Variants in SOX5 observed in about 807,000 individuals in gnomAD.
The protein encoded by SOX5 is transcription factor SOX-5.
SOX5 carries 9 observed loss-of-function variants against 92.0 expected under a neutral mutation model. That is an observed-to-expected ratio of 0.10 (90% CI 0.06 to 0.17). The LOEUF (loss-of-function observed/expected upper bound fraction) is 0.17, where lower values mean the gene tolerates loss of function less well. SOX5 is among the 10% of genes least tolerant of loss of function. SOX5 has a pLI of 1.00. For synonymous variants in SOX5, 344 were observed against 336.3 expected (o/e 1.02, Z -0.25); for missense variants, 642 against 944.5 (o/e 0.68, Z 4.20).
In SOX5 at chr12:24,424,810, G is replaced by C. The variant is rs115568465; in HGVS notation, c.-250-56171C>G. 9.3e-4 allele frequency among the ~76,000 whole-genome samples: 138 copies of C among 148,902 alleles called. 6 individuals carry two copies. Among genetic ancestry groups the C allele is most frequent in the African/African-American group, 2.8e-4 (11 of 39,560 alleles). On this transcript the variant is annotated intron_variant, in intron 1 of 4. Coordinates refer to the SOX5 transcript ENST00000446891. ...CTTTTCTTTGTGAGTTTTTTTTTTGGGGGGGGGGGATGGCTGTTTTTCCCC... is the reference window on the plus strand; with the variant it reads ...CTTTTCTTTGTGAGTTTTTTTTTTGCGGGGGGGGGATGGCTGTTTTTCCCC...
chr12:24,395,467 A>C (rs960561155), intron 1 of SOX5, among the ~76,000 whole-genome samples: 5 of 152,214 alleles, frequency 3.3e-5, no homozygotes, highest in Admixed American at 2.6e-4. Flanking sequence ...CTGCAAGTAT[A>C]TGAGCAAGTT....
chr12:24,148,263 G>C (rs1050406540), intron 4 of SOX5, among the ~76,000 whole-genome samples: 3 of 152,070 alleles, frequency 2.0e-5, no homozygotes, highest in African/African-American at 7.2e-5. Context: ...TTGGGAGGTC[G>C]AGGTGGGCAG....
Position 24,346,634 on chromosome 12 carries a change from G to A in SOX5, c.-174+21929C>T, listed in dbSNP as rs190770795. Among the ~76,000 whole-genome samples the A allele has an allele frequency of 2.5e-4, 38 of 152,086 alleles. 1 individual carries two copies. In the East Asian group the frequency reaches 7.0e-3, roughly 28 times the overall value. On this transcript the variant is annotated intron_variant, in intron 2 of 4. Transcript: ENST00000446891. ...TGTCCAGCTAATTTTTGTACTTTTAGTAGAGACGGGGCTTCACTATGCTGG... is the reference window on the plus strand; with the variant it reads ...TGTCCAGCTAATTTTTGTACTTTTAATAGAGACGGGGCTTCACTATGCTGG...
intron 6 of SOX5, among the ~76,000 whole-genome samples, chr12:23,688,786 G>C (rs978495441): frequency 2.6e-5 from 4 of 152,016 alleles, no homozygotes; most frequent in African/African-American, 7.2e-5. Context: ...ACATGTACTA[G>C]ACCTTGAGAT....
rs563418828 is a variant in SOX5, at chr12:23,779,911, A to T, written c.482-24187T>A. Among the ~76,000 whole-genome samples the T allele has an allele frequency of 3.4e-5, 5 of 148,388 alleles. No homozygotes were observed. The South Asian group carries it at 1.1e-3, about 32-fold the overall frequency. ...TAATGATACAATGTGTGCTCCAATTAGAAAAAGACATGTGTTTATGTGTGT... is the reference window on the plus strand; with the variant it reads ...TAATGATACAATGTGTGCTCCAATTTGAAAAAGACATGTGTTTATGTGTGT... On this transcript the variant is annotated intron_variant, in intron 3 of 14. Transcript: ENST00000451604.
At chr12:24,377,953 G>A (rs759142840) in intron 1 of SOX5, among the ~76,000 whole-genome samples, 2 of 152,220 alleles carry the variant, frequency 1.3e-5, no homozygotes, top group African/African-American at 2.4e-5. Context: ...TAAAAGGCAT[G>A]TAAATCGCAT....
At chr12:23,696,847 C>T (rs117459083) in intron 6 of SOX5, among the ~76,000 whole-genome samples, 2 of 152,188 alleles carry the variant, frequency 1.3e-5, no homozygotes, top group East Asian at 1.9e-4. Flanking sequence ...TCTTCTTTGA[C>T]CCATGAGTTA....
chr12:24,040,883 CA>C (rs910559914), intron 4 of SOX5, among the ~76,000 whole-genome samples: 6 of 147,812 alleles, frequency 4.1e-5, no homozygotes, highest in Admixed American at 1.3e-4. Context: ...AAGGAAAAAA[CA>C]AAAAAAAAAT....
At chr12:23,768,104 T>C (rs2094800119) in intron 3 of SOX5, among the ~76,000 whole-genome samples, 1 of 152,138 alleles carries the variant, frequency 6.6e-6, no homozygotes, top group Admixed American at 6.6e-5. Flanking sequence ...AGAAAAATGC[T>C]TATTTACAAC....
intron 2 of SOX5, among the ~76,000 whole-genome samples, chr12:24,344,046 A>G (rs538149018): frequency 6.6e-6 from 1 of 152,080 alleles, no homozygotes; most frequent in Admixed American, 6.6e-5. Context: ...GCACTTTGGG[A>G]GGCCGAGGTG....
At chr12:23,967,397 G>T (rs1424324853) in intron 4 of SOX5, among the ~76,000 whole-genome samples, 2 of 151,882 alleles carry the variant, frequency 1.3e-5, no homozygotes, top group African/African-American at 2.4e-5. Flanking sequence ...AACTAAATAT[G>T]CAAAATATTT....
At chr12:24,329,201 G>A (rs1951030487) in intron 2 of SOX5, among the ~76,000 whole-genome samples, 1 of 152,066 alleles carries the variant, frequency 6.6e-6, no homozygotes, top group South Asian at 2.1e-4. Context: ...TTATATATTA[G>A]TCTGTTCTCA....
chr12:24,179,429 G>A (rs559369028), intron 4 of SOX5, among the ~76,000 whole-genome samples: 1 of 152,304 alleles, frequency 6.6e-6, no homozygotes, highest in South Asian at 2.1e-4. Flanking sequence ...TCAATATGTA[G>A]TAGGATACTC....
At chr12:23,755,831 C>T (rs971719411) in intron 3 of SOX5, 107 bp from the exon 4 acceptor site, 3 of 638,384 alleles carry the variant, frequency 4.7e-6, no homozygotes, top group South Asian at 4.5e-5. Flanking sequence ...CCCAGCCCCA[C>T]TTCATAATGG....
intron 3 of SOX5, among the ~76,000 whole-genome samples, chr12:23,773,585 T>C (rs2095005353): frequency 6.6e-6 from 1 of 152,150 alleles, no homozygotes; most frequent in Admixed American, 6.5e-5. Context: ...TTGGCCAGGC[T>C]GGTCTCAAAC....
At chr12:24,108,232 T>C (rs1158359673) in intron 4 of SOX5, among the ~76,000 whole-genome samples, 1 of 152,182 alleles carries the variant, frequency 6.6e-6, no homozygotes, top group Non-Finnish European at 1.5e-5. Context: ...TTCACTTTGT[T>C]CCATTTTTAT....
intron 12 of SOX5, among the ~76,000 whole-genome samples, chr12:23,543,700 G>C (rs1247109608): frequency 6.6e-6 from 1 of 152,170 alleles, no homozygotes; most frequent in East Asian, 1.9e-4. Context: ...AAAGAGGATA[G>C]TCAGATTAAA....
intron 3 of SOX5, among the ~76,000 whole-genome samples, chr12:24,264,035 A>G (rs1303726679): frequency 2.6e-5 from 4 of 152,180 alleles, no homozygotes; most frequent in Non-Finnish European, 4.4e-5. Flanking sequence ...TTCAGGCTTG[A>G]TTTTTAATGT....
intron 3 of SOX5, among the ~76,000 whole-genome samples, chr12:23,807,679 T>C (rs2095804098): frequency 6.6e-6 from 1 of 150,694 alleles, no homozygotes; most frequent in Non-Finnish European, 1.5e-5. Context: ...TTTGCTGTGT[T>C]GCCCAGGCTG....
Sources: allele counts gnomAD v4.1 joint callset (sites outside exome capture counted in the v4.1 genomes callset), GRCh38; gene constraint gnomAD v4.1.1; transcripts MANE v1.5; gene names NCBI Gene and HGNC (gene_info 2026-07-23, HGNC 2026-07-21).